The following DOCK1 variants were observed in gnomAD, a reference collection of about 807,000 sequenced individuals.
DOCK1 encodes dedicator of cytokinesis protein 1.
DOCK1 carries 138 observed loss-of-function variants against 262.7 expected under a neutral mutation model. That is an observed-to-expected ratio of 0.53 (90% CI 0.46 to 0.61). The LOEUF (loss-of-function observed/expected upper bound fraction) is 0.61, where lower values mean the gene tolerates loss of function less well. Among genes scored for constraint, DOCK1 ranks in the 20% least tolerant of loss-of-function variants. The probability of loss-of-function intolerance (pLI) is 0.00; values close to 1 mark genes in which losing one functional copy is unlikely to be tolerated. For missense variants in DOCK1, 1,908 were observed against 2,370.7 expected (o/e 0.80, Z 4.05); for synonymous variants, 866 against 867.4 (o/e 1.00, Z 0.03).
intron 1 of DOCK1, among the ~76,000 whole-genome samples, chr10:126,956,048 A>G (rs2036710441): frequency 6.6e-6 from 1 of 151,648 alleles, no homozygotes; most frequent in African/African-American, 2.4e-5. Context: ...GCTGGGATGG[A>G]CTCTCTGCCA....
intron 25 of DOCK1, among the ~76,000 whole-genome samples, chr10:127,121,086 T>C (rs1213106292): frequency 1.3e-5 from 2 of 152,186 alleles, no homozygotes; most frequent in African/African-American, 4.8e-5. Context: ...CATTATTTCT[T>C]TATACGTGTG....
chr10:127,428,517 C>A (rs2068974330), intron 47 of DOCK1, among the ~76,000 whole-genome samples: 2 of 130,690 alleles, frequency 1.5e-5, no homozygotes, highest in Admixed American at 1.6e-4. Context: ...GATTGGGGTG[C>A]CATGTCGATT....
intron 49 of DOCK1, among the ~76,000 whole-genome samples, chr10:127,442,582 G>A (rs994127225): frequency 1.3e-5 from 2 of 152,170 alleles, no homozygotes; most frequent in Admixed American, 6.5e-5. Context: ...GGAAAGTCAA[G>A]TGCCTCCAAA....
chr10:127,400,724 A>C (rs2134296174), intron 38 of DOCK1, among the ~76,000 whole-genome samples: 1 of 152,312 alleles, frequency 6.6e-6, no homozygotes, highest in South Asian at 2.1e-4. Context: ...TTTGCAAAAA[A>C]AATTAACAGT....
intron 25 of DOCK1, among the ~76,000 whole-genome samples, chr10:127,121,910 C>CA (rs1282249287): frequency 6.6e-6 from 1 of 152,226 alleles, no homozygotes; most frequent in Non-Finnish European, 1.5e-5. Flanking sequence ...TAATCCAAGA[C>CA]ACACACACTC....
chr10:127,038,220 C>T (rs1019217769), intron 19 of DOCK1, among the ~76,000 whole-genome samples: 1 of 152,000 alleles, frequency 6.6e-6, no homozygotes, highest in Non-Finnish European at 1.5e-5. Context: ...GCAACAAGAG[C>T]AAAACTCCGT....
chr10:126,920,026 C>T (rs1422207283), intron 1 of DOCK1, among the ~76,000 whole-genome samples: 5 of 152,078 alleles, frequency 3.3e-5, no homozygotes, highest in African/African-American at 9.7e-5. Context: ...CAGTGGGTGA[C>T]GGGGTCAGCA....
chr10:127,289,614 C>T (rs879826242), intron 29 of DOCK1, among the ~76,000 whole-genome samples: 1 of 152,180 alleles, frequency 6.6e-6, no homozygotes, highest in African/African-American at 2.4e-5. Flanking sequence ...ACAACCTTTC[C>T]AACCTATTAT....
chr10:127,187,431 T>C (rs1180564943), intron 27 of DOCK1, among the ~76,000 whole-genome samples: 1 of 152,188 alleles, frequency 6.6e-6, no homozygotes, highest in Non-Finnish European at 1.5e-5. Context: ...CATAAATCTT[T>C]CCAAAACCTC....
chr10:126,974,842 A>G (rs1484473017), intron 2 of DOCK1, among the ~76,000 whole-genome samples: 2 of 152,136 alleles, frequency 1.3e-5, no homozygotes, highest in East Asian at 1.9e-4. Flanking sequence ...GTGCGGGCTC[A>G]CTTTGTTGAA....
chr10:127,196,345 G>A (rs1327514819), intron 27 of DOCK1, among the ~76,000 whole-genome samples: 1 of 148,722 alleles, frequency 6.7e-6, no homozygotes, highest in African/African-American at 2.4e-5. Context: ...GCGACGCGGC[G>A]GAGCCAGCCA....
chr10:127,104,478 C>G (rs1691680673), intron 23 of DOCK1, among the ~76,000 whole-genome samples: 1 of 152,148 alleles, frequency 6.6e-6, no homozygotes, highest in East Asian at 1.9e-4. Context: ...TTTATTTGCT[C>G]ATGGTACTGT....
chr10:126,924,607 TC>T (rs1217925948), intron 1 of DOCK1, among the ~76,000 whole-genome samples: 4 of 152,156 alleles, frequency 2.6e-5, no homozygotes, highest in African/African-American at 9.7e-5. Flanking sequence ...TTAACAGAAA[TC>T]CAACTCTTCA....
intron 1 of DOCK1, among the ~76,000 whole-genome samples, chr10:126,942,430 C>T (rs919837477): frequency 2.0e-5 from 3 of 152,122 alleles, no homozygotes; most frequent in Non-Finnish European, 4.4e-5. Flanking sequence ...GTGAAGCTCA[C>T]TTTTAGTTTC....
chr10:127,133,433 A>C (rs1490649214), intron 27 of DOCK1, among the ~76,000 whole-genome samples: 1 of 152,212 alleles, frequency 6.6e-6, no homozygotes, highest in Non-Finnish European at 1.5e-5. Context: ...AGTCATCATA[A>C]AAATGTCTAT....
intron 27 of DOCK1, among the ~76,000 whole-genome samples, chr10:127,226,501 T>G (rs185939654): frequency 0.013 from 2,018 of 151,642 alleles, 51 homozygotes; most frequent in African/African-American, 0.047. Context: ...CTCAGCACTT[T>G]GGGAGCCGAG....
intron 9 of DOCK1, 136 bp from the exon 10 acceptor site, chr10:127,000,036 G>C: frequency 1.0e-6 from 1 of 980,668 alleles, no homozygotes; most frequent in Middle Eastern, 3.0e-4. Flanking sequence ...ATTCCTTTTT[G>C]TCATATGAAT....
At chr10:127,008,927 A>T (rs1011182137) in intron 11 of DOCK1, 123 bp downstream of exon 11, 79 of 1,005,334 alleles carry the variant, frequency 7.9e-5, no homozygotes, top group Admixed American at 2.7e-5. Flanking sequence ...TAATTATGAA[A>T]AACCTCTTTA....
chr10:127,254,342 T>C (rs1032841824), intron 28 of DOCK1, among the ~76,000 whole-genome samples: 5 of 152,200 alleles, frequency 3.3e-5, no homozygotes, highest in African/African-American at 1.2e-4. Flanking sequence ...TGTGCTGCCT[T>C]GTAATATGCC....
Sources: gnomAD v4.1 joint callset for allele counts (sites outside exome capture counted in the v4.1 genomes callset) on GRCh38, gnomAD v4.1.1 for gene constraint, MANE v1.5 for transcripts, NCBI Gene and HGNC (gene_info 2026-07-23, HGNC 2026-07-21) for gene names.